CNBD1: variants seen among roughly 807,000 people sequenced by gnomAD.
CNBD1 encodes the protein cyclic nucleotide-binding domain-containing protein 1.
CNBD1 carries 71 observed loss-of-function variants against 54.4 expected under a neutral mutation model. The observed-to-expected ratio is 1.30, with a 90% CI of 1.08 to 1.59. CNBD1 has a LOEUF of 1.59. CNBD1 is among the 40% of genes most tolerant of loss of function. The probability of loss-of-function intolerance (pLI) is 0.00; values close to 1 mark genes in which losing one functional copy is unlikely to be tolerated. For synonymous variants in CNBD1, 182 were observed against 170.7 expected, an observed-to-expected ratio of 1.07 and a Z score of -0.51; for missense variants, 659 against 518.0, an observed-to-expected ratio of 1.27 and a Z score of -2.64.
chr8:87,195,754 G>A (rs1813708278), intron 4 of CNBD1, among the ~76,000 whole-genome samples: 1 of 150,486 alleles, frequency 6.6e-6, no homozygotes, highest in South Asian at 2.1e-4. Flanking sequence ...TGTATTGTTA[G>A]TGGCGACAGG....
intron 2 of CNBD1, among the ~76,000 whole-genome samples, chr8:87,404,198 AGGG>A (rs1563588901): frequency 6.6e-6 from 1 of 152,008 alleles, no homozygotes; most frequent in Non-Finnish European, 1.5e-5. Flanking sequence ...GGGCAGTGGC[AGGG>A]GTAGGGAAGT....
intron 6 of CNBD1, among the ~76,000 whole-genome samples, chr8:87,240,399 T>TC (rs1807670264): frequency 1.3e-5 from 2 of 151,720 alleles, no homozygotes; most frequent in African/African-American, 4.8e-5. Flanking sequence ...AAATAGTAAT[T>TC]TTTTTTTACA....
At chr8:86,975,118 T>G (rs1334960346) in intron 4 of CNBD1, among the ~76,000 whole-genome samples, 1 of 152,082 alleles carries the variant, frequency 6.6e-6, no homozygotes, top group African/African-American at 2.4e-5. Context: ...TATTTTTAAT[T>G]GACAAATAAT....
chr8:87,106,725 C>T (rs1474924301), intron 4 of CNBD1, among the ~76,000 whole-genome samples: 1 of 152,200 alleles, frequency 6.6e-6, no homozygotes, highest in Non-Finnish European at 1.5e-5. Context: ...TCCCCAACCT[C>T]ACTGGATGTT....
At chr8:87,329,644 G>A (rs993430258) in intron 8 of CNBD1, among the ~76,000 whole-genome samples, 3 of 151,870 alleles carry the variant, frequency 2.0e-5, no homozygotes, top group African/African-American at 4.8e-5. Flanking sequence ...TTTCATTGAT[G>A]GGAAGTGCTA....
At chr8:86,964,915 C>T (rs1808031022) in intron 4 of CNBD1, among the ~76,000 whole-genome samples, 1 of 152,196 alleles carries the variant, frequency 6.6e-6, no homozygotes, top group South Asian at 2.1e-4. Context: ...GGTCCCTTCA[C>T]ATAAGGGACG....
At chr8:87,385,942 C>T (rs112163912), downstream of CNBD1, among the ~76,000 whole-genome samples, 1 of 152,160 alleles carries the variant, frequency 6.6e-6, no homozygotes, top group Non-Finnish European at 1.5e-5. Flanking sequence ...TATCAGGCAG[C>T]AACAGTTGCT....
intron 4 of CNBD1, among the ~76,000 whole-genome samples, chr8:87,000,077 G>A (rs1448986734): frequency 1.3e-5 from 2 of 151,998 alleles, no homozygotes; most frequent in African/African-American, 2.4e-5. Context: ...AAGTAATAAG[G>A]CATTGATATG....
intron 4 of CNBD1, among the ~76,000 whole-genome samples, chr8:87,085,419 T>G (rs539673197): frequency 1.2e-4 from 19 of 152,258 alleles, no homozygotes; most frequent in Admixed American, 7.2e-4. Context: ...TAAATAAAAT[T>G]TATTGAGTCT....
chr8:86,990,775 T>A (rs1808727340), intron 4 of CNBD1, among the ~76,000 whole-genome samples: 1 of 152,212 alleles, frequency 6.6e-6, no homozygotes, highest in Non-Finnish European at 1.5e-5. Context: ...TATAGATTGC[T>A]TTAGGTAGTG....
chr8:86,887,711 G>A, intron 2 of CNBD1, 100 bp downstream of exon 2: 1 of 805,758 alleles, frequency 1.2e-6, no homozygotes, highest in East Asian at 2.8e-5. Flanking sequence ...GGCTCTCAGA[G>A]GTACCTGATT....
chr8:86,891,204 A>G (rs953055305), intron 2 of CNBD1, among the ~76,000 whole-genome samples: 1 of 151,992 alleles, frequency 6.6e-6, no homozygotes, highest in African/African-American at 2.4e-5. Flanking sequence ...GTTTTATCCT[A>G]GCAGTTCTAT....
At chr8:87,160,260 AAT>A (rs1203852660) in intron 4 of CNBD1, among the ~76,000 whole-genome samples, 2 of 151,952 alleles carry the variant, frequency 1.3e-5, no homozygotes, top group Admixed American at 6.6e-5. Flanking sequence ...ATTTTTCTGA[AAT>A]ATGTTATAAA....
chr8:86,885,321 TATATC>T, intron 1 of CNBD1, among the ~76,000 whole-genome samples: 1 of 152,338 alleles, frequency 6.6e-6, no homozygotes, highest in Non-Finnish European at 1.5e-5. Context: ...CAGTGGGCCT[TATATC>T]AATAAAGATA....
rs114613886 is a variant in CNBD1 at position 87,376,792 on chromosome 8, A to G, written c.1304-5828A>G. On this transcript the variant is annotated intron_variant, in intron 10 of 10. Coordinates refer to ENST00000518476, the MANE Select transcript of CNBD1 (RefSeq NM_173538.3). ...AAGCATAAGTAACTTGCACAAATAC[A>G]TAGAAATTTGTAAGTATTGGAGCCA... Among the ~76,000 whole-genome samples the G allele has an allele frequency of 7.2e-3, 1,092 of 152,058 alleles. 12 individuals are homozygous for G. The highest frequency in any genetic ancestry group is 0.025 in the African/African-American group (1,030 of 41,544).
At chr8:87,285,623 C>T (rs1341281580) in intron 7 of CNBD1, among the ~76,000 whole-genome samples, 2 of 152,086 alleles carry the variant, frequency 1.3e-5, no homozygotes, top group African/African-American at 4.8e-5. Flanking sequence ...GTAATCCCAG[C>T]ACTTTAGGAG....
chr8:87,286,676 G>A lies in CNBD1; in HGVS notation c.1042+5G>A, dbSNP rs147478371. 1.4e-5 allele frequency: 21 copies of A among 1,533,102 alleles called. No individual in the cohort carries two copies. The East Asian group carries it at 4.7e-4, about 34-fold the overall frequency. 95.0% of individuals were successfully genotyped at this position (1,533,102 alleles called of 1,614,324 possible). On this transcript the variant is annotated splice_donor_5th_base_variant and intron_variant, in intron 8 of 10. Transcript: ENST00000518476. Reference sequence around the variant, plus strand: ...AAAAATTTCCTCCAGGTCATGGTAAGTTTAATGCAATTTAGATCATTTTGT... The same window carrying A: ...AAAAATTTCCTCCAGGTCATGGTAAATTTAATGCAATTTAGATCATTTTGT...
intron 1 of CNBD1, among the ~76,000 whole-genome samples, chr8:86,886,324 T>C (rs1377082487): frequency 6.6e-6 from 1 of 152,208 alleles, no homozygotes. Context: ...TTATTCCATA[T>C]GACGCTAACA....
At chr8:87,181,895 T>C (rs1429900876) in intron 4 of CNBD1, among the ~76,000 whole-genome samples, 3 of 152,158 alleles carry the variant, frequency 2.0e-5, no homozygotes, top group Non-Finnish European at 4.4e-5. Context: ...ATTTATTTTT[T>C]CTCAACTTTT....
Sources: allele counts gnomAD v4.1 joint callset (sites outside exome capture counted in the v4.1 genomes callset), GRCh38; gene constraint gnomAD v4.1.1; transcripts MANE v1.5; gene names NCBI Gene and HGNC (gene_info 2026-07-23, HGNC 2026-07-21).